Variants in STAB2 observed in about 807,000 individuals in gnomAD.
STAB2 encodes stabilin 2.
In STAB2, 288 loss-of-function variants were observed where a neutral mutation model predicts 338.1. That is an observed-to-expected ratio of 0.85 (90% CI 0.77 to 0.94). The LOEUF is 0.94. STAB2 is among the 40% of genes least tolerant of loss of function. The pLI, the probability that STAB2 is intolerant of heterozygous loss-of-function variation, is 0.00. For missense variants in STAB2, 3,141 were observed against 3,210.1 expected, an observed-to-expected ratio of 0.98 and a Z score of 0.52; for synonymous variants, 1,202 against 1,193.3, an observed-to-expected ratio of 1.01 and a Z score of -0.15.
intron 28 of STAB2, among the ~76,000 whole-genome samples, chr12:103,689,037 C>A (rs1877690052): frequency 6.6e-6 from 1 of 151,690 alleles, no homozygotes; most frequent in Admixed American, 6.6e-5. Context: ...TCCTGGAGAT[C>A]CAGTTGTTAA....
intron 25 of STAB2, among the ~76,000 whole-genome samples, chr12:103,679,351 A>G (rs1481782542): frequency 6.6e-6 from 1 of 152,048 alleles, no homozygotes; most frequent in Non-Finnish European, 1.5e-5. Flanking sequence ...CTGGGCAACA[A>G]GAGCAAAACT....
intron 39 of STAB2, 165 bp from the exon 40 acceptor site, chr12:103,711,306 C>A: frequency 1.1e-6 from 1 of 874,108 alleles, no homozygotes; most frequent in Non-Finnish European, 1.7e-6. Flanking sequence ...CTTTGAGCTT[C>A]ATGGCAGCCA....
intron 6 of STAB2, among the ~76,000 whole-genome samples, chr12:103,632,722 C>T (rs894958458): frequency 1.3e-5 from 2 of 152,238 alleles, no homozygotes; most frequent in East Asian, 3.9e-4. Context: ...GCAGCAGCAG[C>T]ACACTGCACC....
chr12:103,664,670 A>G (rs1406933805), intron 18 of STAB2, among the ~76,000 whole-genome samples: 1 of 151,826 alleles, frequency 6.6e-6, no homozygotes, highest in Middle Eastern at 3.2e-3. Context: ...TGTTTTACTG[A>G]TTCCTCTTCT....
chr12:103,620,423 G>A (rs1415359044), intron 3 of STAB2, 45 bp from the exon 4 acceptor site: 6 of 1,519,524 alleles, frequency 3.9e-6, no homozygotes, highest in Non-Finnish European at 5.4e-6. Flanking sequence ...CAGAATGCTT[G>A]TGTGCAGTCA....
At chr12:103,681,811 G>A (rs1027476948) in intron 25 of STAB2, among the ~76,000 whole-genome samples, 10 of 151,430 alleles carry the variant, frequency 6.6e-5, no homozygotes, top group East Asian at 1.9e-4. Context: ...TAGTAGAGAC[G>A]GGGTTTCTCT....
chr12:103,592,879 C>T (rs1335975722), intron 2 of STAB2, among the ~76,000 whole-genome samples: 2 of 152,144 alleles, frequency 1.3e-5, no homozygotes, highest in South Asian at 4.1e-4. Context: ...CACCATTCCA[C>T]TCTATTTATA....
intron 17 of STAB2, among the ~76,000 whole-genome samples, chr12:103,661,231 A>AG (rs1874585712): frequency 6.6e-6 from 1 of 150,780 alleles, no homozygotes; most frequent in Non-Finnish European, 1.5e-5. Flanking sequence ...AAAAAAAAAA[A>AG]AAAAAAGAGA....
intron 39 of STAB2, among the ~76,000 whole-genome samples, chr12:103,710,446 C>G (rs1879749724): frequency 6.6e-6 from 1 of 152,192 alleles, no homozygotes; most frequent in Non-Finnish European, 1.5e-5. Context: ...AAACTCCTCG[C>G]TCCTAAGTCC....
intron 33 of STAB2, among the ~76,000 whole-genome samples, chr12:103,697,452 A>G (rs750682653): frequency 7.9e-5 from 12 of 152,256 alleles, no homozygotes; most frequent in Non-Finnish European, 1.6e-4. Flanking sequence ...ACAGTCCCAT[A>G]GCCTCTCTGC....
chr12:103,746,524 G>A (rs1404038945), intron 57 of STAB2, 73 bp from the exon 58 acceptor site: 1 of 1,434,574 alleles, frequency 7.0e-7, no homozygotes, highest in African/African-American at 1.4e-5. Flanking sequence ...AGAGAGTCTT[G>A]GAAAGTCTCC....
At position 103,660,333 on chromosome 12, in the gene STAB2, A is replaced by G. The variant is rs761137680; in HGVS notation, c.1737A>G (p.Gly579=). Residue 579 remains glycine (G), a splice_region_variant and synonymous_variant, in exon 16 of 69, where the codon GGA becomes GGG. Transcript: ENST00000388887. The part of the protein sequence containing the change: ...GTLDYLLSPE[G]SRKLLELVRY... ...AGAAGTATTTGGTTCCTTTGCAGGG[A>G]TCTCGGAAGCTTCTGGAACTCGTCA... is the stretch of plus-strand genomic sequence containing the variant. 3.7e-6 allele frequency: 6 copies of G among 1,614,082 alleles called. No homozygotes were observed. Among genetic ancestry groups the G allele is most frequent in the Non-Finnish European group, 5.1e-6 (6 of 1,180,012 alleles).
At chr12:103,626,729 A>T (rs1957386281) in intron 5 of STAB2, among the ~76,000 whole-genome samples, 1 of 152,140 alleles carries the variant, frequency 6.6e-6, no homozygotes, top group Non-Finnish European at 1.5e-5. Flanking sequence ...TGGTCCCGGG[A>T]GGTGGCCATT....
intron 19 of STAB2, among the ~76,000 whole-genome samples, chr12:103,667,735 A>T (rs1875292695): frequency 6.6e-6 from 1 of 152,186 alleles, no homozygotes; most frequent in African/African-American, 2.4e-5. Context: ...TAGCCTAGGA[A>T]AGTCTCATTG....
chr12:103,668,310 G>A (rs1481904476), intron 19 of STAB2, among the ~76,000 whole-genome samples: 1 of 152,228 alleles, frequency 6.6e-6, no homozygotes, highest in African/African-American at 2.4e-5. Flanking sequence ...CTTAGGGATG[G>A]CTATAGATCG....
intron 9 of STAB2, among the ~76,000 whole-genome samples, chr12:103,647,146 G>A (rs567972719): frequency 1.5e-4 from 23 of 152,318 alleles, no homozygotes; most frequent in African/African-American, 4.8e-4. Flanking sequence ...ATTTTAAAGC[G>A]CAGTCAGGAG....
At chr12:103,601,513 A>AC (rs1317551751) in intron 3 of STAB2, among the ~76,000 whole-genome samples, 1 of 152,194 alleles carries the variant, frequency 6.6e-6, no homozygotes, top group Admixed American at 6.5e-5. Flanking sequence ...AATTGCTTAA[A>AC]CCCGGGAGGC....
chr12:103,651,310 C>G (rs1006122629), intron 11 of STAB2, among the ~76,000 whole-genome samples: 1 of 124,032 alleles, frequency 8.1e-6, no homozygotes, highest in Non-Finnish European at 1.7e-5. Flanking sequence ...TTTTCCTGAT[C>G]TTGATTTTTT....
At chr12:103,747,817 A>G (rs1407307378) in intron 58 of STAB2, among the ~76,000 whole-genome samples, 1 of 152,120 alleles carries the variant, frequency 6.6e-6, no homozygotes, top group African/African-American at 2.4e-5. Flanking sequence ...CAACATGGTG[A>G]AACCCCATCT....
Sources: gnomAD v4.1 joint callset for allele counts (sites outside exome capture counted in the v4.1 genomes callset) on GRCh38, gnomAD v4.1.1 for gene constraint, MANE v1.5 for transcripts, NCBI Gene and HGNC (gene_info 2026-07-23, HGNC 2026-07-21) for gene names.